AGMO: variants seen among roughly 807,000 people sequenced by gnomAD.
AGMO encodes the protein glyceryl-ether monooxygenase.
In AGMO, 75 loss-of-function variants were observed where a neutral mutation model predicts 60.2. The ratio of observed to expected loss-of-function variants is 1.25; its 90% CI spans 1.03 to 1.51. The LOEUF (loss-of-function observed/expected upper bound fraction) is 1.51. Among genes scored for constraint, AGMO ranks in the 40% most tolerant of loss-of-function variants. The probability of loss-of-function intolerance (pLI) is 0.00; values close to 1 mark genes in which losing one functional copy is unlikely to be tolerated. For missense variants in AGMO, 763 were observed against 525.5 expected, an observed-to-expected ratio of 1.45 and a Z score of -4.42; for synonymous variants, 261 against 177.1, an observed-to-expected ratio of 1.47 and a Z score of -3.76.
chr7:15,450,874 T>C (rs1240613231), intron 3 of AGMO, among the ~76,000 whole-genome samples: 1 of 152,068 alleles, frequency 6.6e-6, no homozygotes, highest in Non-Finnish European at 1.5e-5. Flanking sequence ...ACATGAATAT[T>C]AATAATAAAA....
chr7:15,260,926 C>A (rs1298803297), intron 12 of AGMO, among the ~76,000 whole-genome samples: 1 of 151,840 alleles, frequency 6.6e-6, no homozygotes, highest in African/African-American at 2.4e-5. Context: ...ATTGGGTCAA[C>A]AATGAAATCA....
At chr7:15,355,448 A>G (rs1430901502) in intron 12 of AGMO, among the ~76,000 whole-genome samples, 1 of 138,724 alleles carries the variant, frequency 7.2e-6, no homozygotes, top group Non-Finnish European at 1.5e-5. Flanking sequence ...GCTTGCAGTG[A>G]GCCCAGATCA....
At chr7:15,126,885 C>G in the AGMO span, among the ~76,000 whole-genome samples, 15 of 152,218 alleles carry the variant, frequency 9.9e-5, no homozygotes, top group African/African-American at 3.6e-4. Flanking sequence ...ATTTTACAAC[C>G]TGCTGTCTCT....
intron 12 of AGMO, among the ~76,000 whole-genome samples, chr7:15,318,235 C>G (rs1781000372): frequency 1.3e-5 from 2 of 151,894 alleles, no homozygotes; most frequent in African/African-American, 4.8e-5. Context: ...GAATCCTGAT[C>G]TCAAGTGATC....
chr7:15,428,988 A>G (rs1781150164), intron 4 of AGMO, among the ~76,000 whole-genome samples: 1 of 152,102 alleles, frequency 6.6e-6, no homozygotes, highest in South Asian at 2.1e-4. Context: ...GAGGATGAAC[A>G]GTACCGATTT....
chr7:15,537,599 A>G (rs1324099084), intron 3 of AGMO, among the ~76,000 whole-genome samples: 1 of 152,134 alleles, frequency 6.6e-6, no homozygotes, highest in African/African-American at 2.4e-5. Context: ...ATATTTCTAT[A>G]CTTTACAATC....
intron 3 of AGMO, among the ~76,000 whole-genome samples, chr7:15,487,136 C>T (rs889477590): frequency 1.3e-5 from 2 of 152,206 alleles, no homozygotes; most frequent in South Asian, 2.1e-4. Context: ...GTGAAAGTTC[C>T]CTATCAAATA....
At chr7:15,435,980 C>A (rs954439270) in intron 3 of AGMO, among the ~76,000 whole-genome samples, 1 of 152,052 alleles carries the variant, frequency 6.6e-6, no homozygotes, top group Non-Finnish European at 1.5e-5. Flanking sequence ...TATAAGATAG[C>A]CATTTAATTC....
At chr7:15,301,164 C>T (rs1368738808) in intron 12 of AGMO, among the ~76,000 whole-genome samples, 2 of 152,078 alleles carry the variant, frequency 1.3e-5, no homozygotes, top group Non-Finnish European at 2.9e-5. Context: ...GCTGGCCGGG[C>T]GCGGTGGCTC....
intron 12 of AGMO, among the ~76,000 whole-genome samples, chr7:15,325,130 T>C (rs751176589): frequency 1.1e-4 from 16 of 152,210 alleles, no homozygotes; most frequent in Non-Finnish European, 1.6e-4. Context: ...TTGTTTATTA[T>C]ACCTGATTTT....
intron 12 of AGMO, among the ~76,000 whole-genome samples, chr7:15,300,026 T>C (rs140775980): frequency 2.0e-4 from 30 of 152,118 alleles, no homozygotes; most frequent in African/African-American, 6.5e-4. Flanking sequence ...AGCATGGAAT[T>C]TGAGAAGAGA....
chr7:15,448,435 C>G (rs543697475), intron 3 of AGMO, among the ~76,000 whole-genome samples: 1 of 152,056 alleles, frequency 6.6e-6, no homozygotes, highest in Non-Finnish European at 1.5e-5. Flanking sequence ...ACTTCCTAGA[C>G]TCTAGAATAT....
intron 12 of AGMO, among the ~76,000 whole-genome samples, chr7:15,358,010 GTATGAAGTTTGC>G (rs1474085595): frequency 3.9e-5 from 6 of 152,310 alleles, no homozygotes; most frequent in African/African-American, 1.4e-4. Flanking sequence ...ACCCATGAAA[GTATGAAGTTTGC>G]TAAGAACTGT....
chr7:15,481,789 ATTTT>A (rs5882513), intron 3 of AGMO, among the ~76,000 whole-genome samples: 2 of 98,704 alleles, frequency 2.0e-5, no homozygotes, highest in Admixed American at 1.1e-4. Flanking sequence ...GACTAAATGT[ATTTT>A]TTTTTTTTTT....
chr7:15,332,504 A>T (rs779885235), intron 12 of AGMO, among the ~76,000 whole-genome samples: 1 of 152,132 alleles, frequency 6.6e-6, no homozygotes, highest in Admixed American at 6.6e-5. Flanking sequence ...ATCCTCTAAT[A>T]TATCACCTAA....
chr7:15,450,237 G>T (rs1781821405), intron 3 of AGMO, among the ~76,000 whole-genome samples: 1 of 151,884 alleles, frequency 6.6e-6, no homozygotes, highest in South Asian at 2.1e-4. Context: ...TGGCTAACAC[G>T]GTGAAACCCC....
Position 15,235,689 on chromosome 7 carries a change from T to C in AGMO, c.1264-34330A>G, listed in dbSNP as rs577671759. 9.2e-5 allele frequency among the ~76,000 whole-genome samples: 14 copies of C among 152,270 alleles called. No individual in the cohort carries two copies. The South Asian group carries it at 2.7e-3, about 29-fold the overall frequency. On this transcript the variant is annotated intron_variant, in intron 12 of 12. Transcript: ENST00000342526. Reference sequence around the variant, plus strand: ...TAGAGATAGGGATTGTTATAGCCACTAATAGCTGTAGACCTTTGGGGGCAT... The same window carrying C: ...TAGAGATAGGGATTGTTATAGCCACCAATAGCTGTAGACCTTTGGGGGCAT...
chr7:15,407,880 G>T (rs950518091), intron 5 of AGMO, among the ~76,000 whole-genome samples: 1 of 151,822 alleles, frequency 6.6e-6, no homozygotes, highest in Admixed American at 6.6e-5. Flanking sequence ...TTAATAATTA[G>T]ATGCTTCCCA....
intron 3 of AGMO, among the ~76,000 whole-genome samples, chr7:15,489,453 T>G (rs1783011327): frequency 6.6e-6 from 1 of 152,184 alleles, no homozygotes; most frequent in African/African-American, 2.4e-5. Flanking sequence ...AATCTTCACA[T>G]GTACAGTACA....
Sources: gnomAD v4.1 joint callset for allele counts (sites outside exome capture counted in the v4.1 genomes callset) on GRCh38, gnomAD v4.1.1 for gene constraint, MANE v1.5 for transcripts, NCBI Gene and HGNC (gene_info 2026-07-23, HGNC 2026-07-21) for gene names.